LACTBL1: variants seen among roughly 807,000 people sequenced by gnomAD.
LACTBL1 encodes the protein beta-lactamase-like protein 1.
LACTBL1 carries 29 observed loss-of-function variants against 39.6 expected under a neutral mutation model. The observed-to-expected ratio is 0.73, with a 90% CI of 0.55 to 1.00. LACTBL1 has a LOEUF of 1.00. Ranked by LOEUF, LACTBL1 falls within the 50% of genes least tolerant of loss-of-function variation. The pLI is 0.00. For missense variants in LACTBL1, 711 were observed against 748.5 expected (o/e 0.95, Z 0.59); for synonymous variants, 361 against 360.7 (o/e 1.00, Z -0.01).
chr1:22,965,398 C>T, upstream of LACTBL1: 2 of 1,256,640 alleles, frequency 1.6e-6, no homozygotes, highest in Non-Finnish European at 2.0e-6. Context: ...TTCTTCTTCA[C>T]TTTCAGCAAG....
upstream of LACTBL1, among the ~76,000 whole-genome samples, chr1:22,969,986 T>C (rs1205833223): frequency 2.0e-5 from 3 of 152,220 alleles, no homozygotes; most frequent in Non-Finnish European, 4.4e-5. Context: ...GGTTCAAATC[T>C]TAACTCCACT....
the LACTBL1 span, among the ~76,000 whole-genome samples, chr1:22,970,913 T>C: frequency 0.44 from 66,216 of 151,822 alleles, 14,987 homozygotes; most frequent in East Asian, 0.56. Flanking sequence ...CCCAAAAGCA[T>C]TGGGATTCTC....
At chr1:22,967,272 G>A (rs1233010131), upstream of LACTBL1, among the ~76,000 whole-genome samples, 1 of 152,150 alleles carries the variant, frequency 6.6e-6, no homozygotes, top group Admixed American at 6.5e-5. Context: ...AAGAGGCTGA[G>A]GTGGGAAAAT....
At chr1:22,953,242 A>C in exon 6 of LACTBL1, 1 of 1,231,822 alleles carries the variant, frequency 8.1e-7, no homozygotes, top group Non-Finnish European at 1.0e-6. Flanking sequence ...GTGCAGCTGG[A>C]AGACGCGGCC....
intron 5 of LACTBL1, among the ~76,000 whole-genome samples, chr1:22,954,525 A>G (rs1165546271): frequency 6.6e-6 from 1 of 152,218 alleles, no homozygotes; most frequent in Non-Finnish European, 1.5e-5. Flanking sequence ...GAAAGGTGCA[A>G]GGATGTGTGA....
chr1:22,957,280 G>T (rs1419242503), intron 4 of LACTBL1, among the ~76,000 whole-genome samples: 4 of 152,066 alleles, frequency 2.6e-5, no homozygotes, highest in African/African-American at 4.8e-5. Flanking sequence ...CATTTAGGTT[G>T]TTTCAGCCTT....
chr1:22,964,305 A>G (rs1640855862), intron 1 of LACTBL1, among the ~76,000 whole-genome samples: 1 of 152,210 alleles, frequency 6.6e-6, no homozygotes, highest in African/African-American at 2.4e-5. Flanking sequence ...TGCTTTGGCC[A>G]AAAGAATGAG....
chr1:22,956,182 T>G (rs1372854576), intron 4 of LACTBL1, among the ~76,000 whole-genome samples: 1 of 151,796 alleles, frequency 6.6e-6, no homozygotes, highest in Non-Finnish European at 1.5e-5. Flanking sequence ...AGACCAGCCT[T>G]GGCACCATAG....
At chr1:22,953,891 G>C (rs541295523) in exon 6 of LACTBL1, 2 of 1,549,966 alleles carry the variant, frequency 1.3e-6, no homozygotes, top group Non-Finnish European at 1.7e-6. Flanking sequence ...TCGGGCGTGA[G>C]GTCAAAGCCC....
chr1:22,953,291 G>T, exon 6 of LACTBL1: 2 of 1,226,658 alleles, frequency 1.6e-6, no homozygotes, highest in Non-Finnish European at 2.0e-6. Context: ...AACGCTGGAG[G>T]CACCAGCGCC....
upstream of LACTBL1, among the ~76,000 whole-genome samples, chr1:22,969,673 C>T (rs1261110831): frequency 6.6e-6 from 1 of 151,552 alleles, no homozygotes; most frequent in East Asian, 1.9e-4. Context: ...TACTTTTGCA[C>T]CTGCCATTCC....
chr1:22,972,151 TG>T, the LACTBL1 span, among the ~76,000 whole-genome samples: 1 of 20,330 alleles, frequency 4.9e-5, no homozygotes, highest in African/African-American at 6.9e-5. Context: ...ATGATGATGA[TG>T]ATGATGATGA....
chr1:22,953,614 T>A lies in LACTBL1; in HGVS notation c.1070A>T (p.Tyr357Phe), dbSNP rs566093729. Reference sequence around the variant, plus strand: ...ATCGCCGTCCTTGCGCACCACGCGGTAGCCCCGCTGCGCGTGGAACTCCCA... The same window carrying A: ...ATCGCCGTCCTTGCGCACCACGCGGAAGCCCCGCTGCGCGTGGAACTCCCA... Residue 357 changes from tyrosine to phenylalanine, a missense_variant, in exon 6 of 6, where the codon TAC (tyrosine) becomes TTC (phenylalanine). By Grantham distance (22) the Tyr-to-Phe change is conservative (BLOSUM62 3). Transcript: ENST00000426928. 556 of 1,264,742 alleles carry A rather than the reference T, an allele frequency of 4.4e-4. 7 individuals are homozygous for A. In the East Asian group the frequency reaches 0.017, roughly 40 times the overall value. The allele number at this position is 1,264,742 out of a possible 1,614,324, so 78.3% of individuals were successfully genotyped here.
exon 6 of LACTBL1, chr1:22,953,998 G>A (rs138431960): frequency 1.3e-6 from 2 of 1,542,486 alleles, no homozygotes; most frequent in Non-Finnish European, 1.8e-6. Flanking sequence ...GGCCAGGAGC[G>A]AGAAGGCCAG....
At chr1:22,953,756 C>CGGCCAGCTT in exon 6 of LACTBL1, 1 of 1,424,100 alleles carries the variant, frequency 7.0e-7, no homozygotes, top group Non-Finnish European at 9.2e-7. Flanking sequence ...AGGAGCGCCA[C>CGGCCAGCTT]GGCCAGCTTG....
At chr1:22,956,397 G>T (rs951541988) in intron 4 of LACTBL1, among the ~76,000 whole-genome samples, 1 of 151,960 alleles carries the variant, frequency 6.6e-6, no homozygotes, top group African/African-American at 2.4e-5. Flanking sequence ...AGGAGAAAGA[G>T]GAGGAGGAGG....
At chr1:22,970,985 A>G in the LACTBL1 span, among the ~76,000 whole-genome samples, 1 of 152,162 alleles carries the variant, frequency 6.6e-6, no homozygotes, top group African/African-American at 2.4e-5. Context: ...AGATATTGCC[A>G]CTGGATCATA....
chr1:22,961,026 C>T (rs4372224), intron 2 of LACTBL1, among the ~76,000 whole-genome samples: 6,957 of 152,148 alleles, frequency 0.046, 261 homozygotes, highest in South Asian at 0.11. Context: ...GCAGTCTTCC[C>T]ACCTCAGCCT....
chr1:22,965,269 C>G, intron 1 of LACTBL1, 21 bp downstream of exon 3: 1 of 1,311,514 alleles, frequency 7.6e-7, no homozygotes, highest in African/African-American at 1.5e-5. Flanking sequence ...GGGAGGAACT[C>G]AAGGCTGTCT....
Sources: allele counts gnomAD v4.1 joint callset (sites outside exome capture counted in the v4.1 genomes callset), GRCh38; gene constraint gnomAD v4.1.1; transcripts MANE v1.5; gene names NCBI Gene and HGNC (gene_info 2026-07-23, HGNC 2026-07-21).